Variants in AGO4 observed in about 807,000 individuals in gnomAD.
AGO4 encodes the protein argonaute RISC component 4, also known as protein argonaute-4.
Under a neutral mutation model 104.7 loss-of-function variants are expected in AGO4, and 33 were observed. The ratio of observed to expected loss-of-function variants is 0.32; its 90% CI spans 0.24 to 0.42. The LOEUF is 0.42. AGO4 is among the 10% of genes least tolerant of loss of function. The pLI, the probability that AGO4 is intolerant of heterozygous loss-of-function variation, is 1.00. For missense variants in AGO4, 711 were observed against 1,083.4 expected (o/e 0.66, Z 4.83); for synonymous variants, 331 against 364.7 (o/e 0.91, Z 1.05).
intron 13 of AGO4, among the ~76,000 whole-genome samples, chr1:35,840,776 C>T (rs1172013060): frequency 6.6e-6 from 1 of 152,188 alleles, no homozygotes; most frequent in East Asian, 1.9e-4. Context: ...CGCTGCCACG[C>T]TGGGCTTTCT....
intron 13 of AGO4, among the ~76,000 whole-genome samples, chr1:35,839,903 G>T (rs1644398006): frequency 6.6e-6 from 1 of 151,436 alleles, no homozygotes; most frequent in Non-Finnish European, 1.5e-5. Flanking sequence ...GGAGGTTGAG[G>T]CTGCAGTGAG....
rs758675535 is a variant in AGO4, at chr1:35,816,954, T to C, written c.92T>C (p.Leu31Ser). Residue 31 changes from leucine (L) to serine (S), a missense_variant, in exon 2 of 18, where the codon TTA becomes TCA. Physicochemically the swap from Leu to Ser is moderately radical, Grantham distance 145 (BLOSUM62 -2). This residue lies in a region of AGO4 where 308 missense variants were observed against 397.8 expected (regional missense o/e 0.77). Coordinates refer to ENST00000373210, the MANE Select transcript of AGO4 (RefSeq NM_017629.4). ...LGTVGKPIRL[L>S]ANHFQVQIPK... ...ACTGTTGGAAAACCAATTCGACTGT[T>C]AGCCAATCATTTTCAGGTTCAGATT... 1.2e-6 allele frequency: 2 copies of C among 1,614,084 alleles called. No homozygotes were observed. Among genetic ancestry groups the C allele is most frequent in the Non-Finnish European group, 8.5e-7 (1 of 1,179,968 alleles).
chr1:35,835,742 T>C (rs1644299346), intron 12 of AGO4, 92 bp from the exon 13 acceptor site: 1 of 1,097,912 alleles, frequency 9.1e-7, no homozygotes, highest in Admixed American at 2.7e-5. Flanking sequence ...ATATAGTAGG[T>C]TATAAAGTTA....
At chr1:35,822,752 C>A in intron 2 of AGO4, 110 bp from the exon 3 acceptor site, 1 of 1,387,056 alleles carries the variant, frequency 7.2e-7, no homozygotes. Context: ...TTAACTCTTA[C>A]TTTTTCCAAG....
At chr1:35,810,963 C>T (rs1464671688) in intron 1 of AGO4, among the ~76,000 whole-genome samples, 1 of 150,628 alleles carries the variant, frequency 6.6e-6, no homozygotes, top group East Asian at 2.0e-4. Flanking sequence ...GAAACTCCGT[C>T]TCTACTAAAA....
chr1:35,812,508 C>A (rs72659687), intron 1 of AGO4, among the ~76,000 whole-genome samples: 2 of 152,292 alleles, frequency 1.3e-5, no homozygotes, highest in Non-Finnish European at 2.9e-5. Context: ...AGTATTTAAA[C>A]TCAAAGTCGT....
At position 35,825,448 on chromosome 1, in the gene AGO4, T is replaced by C. The variant is rs1643994644; in HGVS notation, c.442T>C (p.Ser148Pro). Residue 148 changes from serine to proline, a missense_variant, in exon 4 of 18, where the codon TCA (serine) becomes CCA (proline). Around this residue, in one of 3 missense-constraint regions of AGO4, gnomAD observed 308 missense variants for 397.8 expected, o/e 0.77. Transcript: ENST00000373210. ...GCACTTGAATGAAGTCCCAGATGAC[T>C]CAGTACAAGCACTTGATGTTATCAC... is the stretch of plus-strand genomic sequence containing the variant. ...AGHLNEVPDD[S>P]VQALDVITRH... The C allele has an allele frequency of 1.2e-6, 2 of 1,614,232 alleles. No individual in the cohort carries two copies. The highest frequency in any genetic ancestry group is 1.7e-6 in the Non-Finnish European group (2 of 1,180,044).
At chr1:35,818,658 A>AAAGAAAGAAAGAAAGAAAGGAAGG (rs1553144552) in intron 2 of AGO4, among the ~76,000 whole-genome samples, 24 of 61,560 alleles carry the variant, frequency 3.9e-4, no homozygotes, top group Non-Finnish European at 2.5e-4. Context: ...AGAAAGAAAG[A>AAAGAAAGAAAGAAAGAAAGGAAGG]AAGGAAGAAA....
intron 1 of AGO4, among the ~76,000 whole-genome samples, chr1:35,815,823 G>A (rs1249329479): frequency 6.6e-6 from 1 of 152,158 alleles, no homozygotes; most frequent in African/African-American, 2.4e-5. Flanking sequence ...AACCAAAAAT[G>A]TGTCCATATA....
At chr1:35,830,024 G>T (rs1051686600) in intron 7 of AGO4, among the ~76,000 whole-genome samples, 1 of 150,572 alleles carries the variant, frequency 6.6e-6, no homozygotes, top group Admixed American at 6.7e-5. Context: ...CCAGGCATTT[G>T]TCCCAGCTAG....
At chr1:35,851,834 T>C (rs968104540) in intron 17 of AGO4, among the ~76,000 whole-genome samples, 2 of 152,240 alleles carry the variant, frequency 1.3e-5, no homozygotes, top group Non-Finnish European at 2.9e-5. Flanking sequence ...GTGTGCCTAG[T>C]ACTGTGCTAG....
chr1:35,816,363 A>G (rs1571257280), intron 1 of AGO4, among the ~76,000 whole-genome samples: 2 of 152,352 alleles, frequency 1.3e-5, no homozygotes, highest in East Asian at 3.9e-4. Flanking sequence ...GTTAAAAATA[A>G]TAGCAACTTG....
intron 2 of AGO4, among the ~76,000 whole-genome samples, chr1:35,817,900 A>G (rs187116406): frequency 6.6e-6 from 1 of 152,332 alleles, no homozygotes; most frequent in Admixed American, 6.5e-5. Context: ...GATCCATCCA[A>G]CGAATATTTT....
At chr1:35,814,778 G>T (rs1026796578) in intron 1 of AGO4, among the ~76,000 whole-genome samples, 1 of 152,058 alleles carries the variant, frequency 6.6e-6, no homozygotes, top group Non-Finnish European at 1.5e-5. Flanking sequence ...TATGTAAAAT[G>T]ATTTTTAATA....
chr1:35,823,084 T>G, intron 3 of AGO4, 102 bp downstream of exon 3: 1 of 1,381,790 alleles, frequency 7.2e-7, no homozygotes, highest in African/African-American at 1.4e-5. Context: ...CATAAATGTT[T>G]GAGGTGATGA....
Position 35,815,479 on chromosome 1 carries a change from G to GA in AGO4, c.20-1395dup, listed in dbSNP as rs930026823. 3.3e-5 allele frequency among the ~76,000 whole-genome samples: 5 copies of GA among 151,592 alleles called. No homozygotes were observed. The East Asian group carries it at 5.8e-4, about 18-fold the overall frequency. ...AGAGAGAGAGAGAGAGTTCTGTGGG[G>GA]AAAAAAAACAGTTAGCTAAATGATG... On this transcript the variant is annotated intron_variant, in intron 1 of 17. Transcript: ENST00000373210.
At chr1:35,840,901 C>G (rs1402503331) in intron 13 of AGO4, among the ~76,000 whole-genome samples, 2 of 152,132 alleles carry the variant, frequency 1.3e-5, no homozygotes, top group Non-Finnish European at 2.9e-5. Context: ...AGGTATGAGC[C>G]AAGGTGCCCA....
Position 35,841,507 on chromosome 1 carries a change from C to A in AGO4, c.2040+27C>A. 1.2e-6 allele frequency: 2 copies of A among 1,608,760 alleles called. No homozygotes were observed. Among genetic ancestry groups the A allele is most frequent in the Admixed American group, 3.3e-5 (2 of 59,826 alleles). On this transcript the variant is annotated intron_variant, in intron 14 of 17. Coordinates refer to ENST00000373210, the MANE Select transcript of AGO4 (RefSeq NM_017629.4). This position sits in a 1 kb window ranked among gnomAD's most constrained non-coding sequence, Gnocchi z 4.7. ...TACTCTCATTATCCCTGTTGCCCTT[C>A]GGGGCCCCTAGGAGTCTGAGGGAGA...
chr1:35,837,489 C>T (rs1644341825), intron 13 of AGO4, among the ~76,000 whole-genome samples: 1 of 152,006 alleles, frequency 6.6e-6, no homozygotes, highest in South Asian at 2.1e-4. Context: ...AACTGATCCT[C>T]CCACCTCAGC....
Sources: allele counts gnomAD v4.1 joint callset (sites outside exome capture counted in the v4.1 genomes callset), GRCh38; gene constraint gnomAD v4.1.1; regional missense constraint gnomAD v4.1.1; non-coding constraint Gnocchi (gnomAD v3.1); transcripts MANE v1.5; gene names NCBI Gene and HGNC (gene_info 2026-07-23, HGNC 2026-07-21).